Variants in HAT1 observed in about 807,000 individuals in gnomAD.
HAT1 encodes histone acetyltransferase type B catalytic subunit.
In HAT1, 20 loss-of-function variants were observed where a neutral mutation model predicts 56.6. The ratio of observed to expected loss-of-function variants is 0.35; its 90% CI spans 0.25 to 0.51. The LOEUF (loss-of-function observed/expected upper bound fraction) is 0.51. HAT1 is among the 20% of genes least tolerant of loss of function. HAT1 has a pLI of 0.95. For missense variants in HAT1, 408 were observed against 504.3 expected (o/e 0.81, Z 1.83); for synonymous variants, 146 against 165.5 (o/e 0.88, Z 0.91).
chr2:171,966,329 T>G, intron 6 of HAT1, 80 bp from the exon 7 acceptor site: 1 of 796,040 alleles, frequency 1.3e-6, no homozygotes, highest in Non-Finnish European at 2.3e-6. Flanking sequence ...GAAAATTCAG[T>G]CAGAGAATGG....
chr2:171,972,138 T>A (rs2105340767), intron 8 of HAT1, among the ~76,000 whole-genome samples: 1 of 152,162 alleles, frequency 6.6e-6, no homozygotes, highest in Middle Eastern at 3.4e-3. Flanking sequence ...CCTGAACTCT[T>A]AAAGATAGTT....
At chr2:171,961,891 G>GTTT (rs61586009) in intron 4 of HAT1, among the ~76,000 whole-genome samples, 2 of 141,744 alleles carry the variant, frequency 1.4e-5, no homozygotes, top group South Asian at 2.2e-4. Context: ...TCTTTTGCTT[G>GTTT]TTTTTTTTTT....
chr2:171,946,910 T>A (rs1270057273), intron 3 of HAT1, 127 bp downstream of exon 3: 2 of 580,342 alleles, frequency 3.4e-6, no homozygotes, highest in Non-Finnish European at 6.1e-6. Context: ...TTAAAATATA[T>A]GTTATAATGG....
intron 4 of HAT1, among the ~76,000 whole-genome samples, chr2:171,962,639 G>A (rs7579509): frequency 0.2 from 30,919 of 152,080 alleles, 4,363 homozygotes; most frequent in African/African-American, 0.37. Flanking sequence ...GGTGATGTGC[G>A]TATTTTGGCC....
At chr2:171,922,577 G>A in intron 1 of HAT1, 70 bp downstream of exon 1, 1 of 1,222,292 alleles carries the variant, frequency 8.2e-7, no homozygotes. Context: ...CGAGACGGTG[G>A]TGACAATGCC....
At chr2:171,982,749 G>A (rs1301428124) in intron 10 of HAT1, among the ~76,000 whole-genome samples, 3 of 152,140 alleles carry the variant, frequency 2.0e-5, no homozygotes, top group Admixed American at 6.6e-5. Context: ...CATGTGGCCC[G>A]TAAGTACTTC....
intron 3 of HAT1, among the ~76,000 whole-genome samples, chr2:171,949,200 C>T (rs1687242991): frequency 6.6e-6 from 1 of 151,812 alleles, no homozygotes; most frequent in African/African-American, 2.4e-5. Flanking sequence ...ATATCAAACT[C>T]AGGGATGCTT....
intron 2 of HAT1, among the ~76,000 whole-genome samples, chr2:171,932,128 T>TA (rs1216324736): frequency 2.0e-5 from 3 of 152,234 alleles, no homozygotes; most frequent in Admixed American, 1.3e-4. Context: ...GATGAGGTTT[T>TA]AAGTGTTAAA....
chr2:171,946,048 C>T (rs977475182), intron 2 of HAT1, among the ~76,000 whole-genome samples: 5 of 152,220 alleles, frequency 3.3e-5, no homozygotes, highest in Admixed American at 3.3e-4. Context: ...AGATGATCCA[C>T]CTGCCTTGGC....
intron 6 of HAT1, 35 bp downstream of exon 6, chr2:171,965,943 T>C (rs750504274): frequency 6.3e-7 from 1 of 1,576,080 alleles, no homozygotes; most frequent in South Asian, 1.1e-5. Flanking sequence ...TAGACCTTAT[T>C]ACCTCCACAA....
In HAT1 at chr2:171,965,299, C is replaced by T. The variant is rs151111506; in HGVS notation, c.310-39C>T. On this transcript the variant is annotated intron_variant, in intron 4 of 10. Transcript: ENST00000264108. Reference sequence around the variant, plus strand: ...AAATAAACCATATTCAACTTAAAGTCGAATTTGTTATTAATTTTTTATATC... The same window carrying T: ...AAATAAACCATATTCAACTTAAAGTTGAATTTGTTATTAATTTTTTATATC... 1.6e-5 allele frequency: 20 copies of T among 1,215,344 alleles called. No homozygotes were observed. The Admixed American group carries it at 1.7e-4, about 11-fold the overall frequency. The allele number at this position is 1,215,344 out of a possible 1,614,324, so 75.3% of individuals were successfully genotyped here.
At chr2:171,927,089 G>T (rs1686617643) in intron 2 of HAT1, among the ~76,000 whole-genome samples, 1 of 152,194 alleles carries the variant, frequency 6.6e-6, no homozygotes, top group South Asian at 2.1e-4. Flanking sequence ...GTTCAGAAAA[G>T]ACACATCCAT....
intron 2 of HAT1, among the ~76,000 whole-genome samples, chr2:171,940,659 C>T (rs1293777728): frequency 6.6e-6 from 1 of 152,096 alleles, no homozygotes; most frequent in Non-Finnish European, 1.5e-5. Flanking sequence ...TTGAAAACTC[C>T]AAAGGCTTGT....
intron 3 of HAT1, 42 bp downstream of exon 3, chr2:171,946,825 A>G (rs766793113): frequency 2.2e-6 from 2 of 893,054 alleles, no homozygotes. Context: ...AGTATGGAAA[A>G]AAAAATTTTC....
At chr2:171,973,014 T>G (rs79749536) in intron 8 of HAT1, among the ~76,000 whole-genome samples, 125 of 152,306 alleles carry the variant, frequency 8.2e-4, no homozygotes, top group Non-Finnish European at 1.1e-3. Flanking sequence ...CAATGAGCTG[T>G]TCTGTGCCTT....
chr2:171,936,055 A>G (rs1305206449), intron 2 of HAT1, among the ~76,000 whole-genome samples: 2 of 152,194 alleles, frequency 1.3e-5, no homozygotes, highest in South Asian at 2.1e-4. Flanking sequence ...GGTACAGTAA[A>G]GACAAAATTC....
At chr2:171,938,221 CTG>C (rs1686926480) in intron 2 of HAT1, among the ~76,000 whole-genome samples, 2 of 152,100 alleles carry the variant, frequency 1.3e-5, no homozygotes, top group South Asian at 4.1e-4. Context: ...TAGCAAGACT[CTG>C]TCTCTACAAA....
intron 10 of HAT1, 64 bp from the exon 11 acceptor site, chr2:171,983,121 A>G: frequency 4.2e-6 from 4 of 963,204 alleles, no homozygotes; most frequent in Non-Finnish European, 6.1e-6. Context: ...GAGACTTAAA[A>G]TTGTAAGACT....
rs150144569 is a variant in HAT1, at chr2:171,971,624, G to A, written c.824-4533G>A. 4.9e-3 allele frequency among the ~76,000 whole-genome samples: 746 copies of A among 152,176 alleles called. 7 individuals carry two copies. The highest frequency in any genetic ancestry group is 0.017 in the African/African-American group (705 of 41,524). On this transcript the variant is annotated intron_variant, in intron 8 of 10. Coordinates refer to ENST00000264108, the MANE Select transcript of HAT1 (RefSeq NM_003642.4). Reference sequence around the variant, plus strand: ...ACCATAAATGTGAAGGTTTATTACCGGGCTCTCTAATGATCTATACTTCTA... The same window carrying A: ...ACCATAAATGTGAAGGTTTATTACCAGGCTCTCTAATGATCTATACTTCTA...
Sources: gnomAD v4.1 joint callset for allele counts (sites outside exome capture counted in the v4.1 genomes callset) on GRCh38, gnomAD v4.1.1 for gene constraint, MANE v1.5 for transcripts, NCBI Gene and HGNC (gene_info 2026-07-23, HGNC 2026-07-21) for gene names.